The following NEO1 variants were observed in gnomAD, a reference collection of about 807,000 sequenced individuals.
NEO1 encodes the protein neogenin 1.
NEO1 carries 63 observed loss-of-function variants against 159.7 expected under a neutral mutation model. The ratio of observed to expected loss-of-function variants is 0.39; its 90% CI spans 0.32 to 0.49. The LOEUF is 0.49. Among genes scored for constraint, NEO1 ranks in the 20% least tolerant of loss-of-function variants. The pLI, the probability that NEO1 is intolerant of heterozygous loss-of-function variation, is 0.85. For synonymous variants in NEO1, 633 were observed against 662.0 expected (o/e 0.96, Z 0.67); for missense variants, 1,615 against 1,831.0 (o/e 0.88, Z 2.15).
At chr15:73,216,363 T>C (rs2037883082) in intron 7 of NEO1, among the ~76,000 whole-genome samples, 1 of 152,186 alleles carries the variant, frequency 6.6e-6, no homozygotes, top group Non-Finnish European at 1.5e-5. Flanking sequence ...TCCAAGTCTT[T>C]GCTATTGTGA....
At chr15:73,228,654 T>C (rs1403535702) in intron 7 of NEO1, among the ~76,000 whole-genome samples, 3 of 152,082 alleles carry the variant, frequency 2.0e-5, no homozygotes, top group Non-Finnish European at 4.4e-5. Context: ...CTTTCTTTTA[T>C]GTCTTGTGCG....
At chr15:73,302,439 T>C (rs2042656416) in intron 28 of NEO1, among the ~76,000 whole-genome samples, 174 bp from the exon 29 acceptor site, 2 of 152,204 alleles carry the variant, frequency 1.3e-5, no homozygotes, top group South Asian at 4.1e-4. Flanking sequence ...GGGATCCTAG[T>C]GACCTTGGGT....
intron 15 of NEO1, among the ~76,000 whole-genome samples, chr15:73,264,928 A>C (rs2151008907): frequency 6.6e-6 from 1 of 152,330 alleles, no homozygotes; most frequent in Admixed American, 6.5e-5. Flanking sequence ...ATTCAAAAAT[A>C]ATTGAAATTG....
intron 5 of NEO1, among the ~76,000 whole-genome samples, chr15:73,174,198 A>G (rs985980203): frequency 2.0e-5 from 3 of 152,204 alleles, no homozygotes; most frequent in African/African-American, 4.8e-5. Context: ...GGGATTAGCT[A>G]TGACTACCTC....
At chr15:73,208,424 G>A (rs1205266917) in intron 7 of NEO1, among the ~76,000 whole-genome samples, 4 of 151,898 alleles carry the variant, frequency 2.6e-5, no homozygotes, top group Non-Finnish European at 5.9e-5. Context: ...CTAGTGATAG[G>A]GTATTCTTTC....
chr15:73,288,449 C>A lies in NEO1; in HGVS notation c.3547C>A (p.Pro1183Thr). 1.2e-6 allele frequency: 2 copies of A among 1,614,088 alleles called. No individual in the cohort carries two copies. The highest frequency in any genetic ancestry group is 1.7e-6 in the Non-Finnish European group (2 of 1,179,996). Residue 1183 changes from proline (P) to threonine (T), a missense_variant, in exon 24 of 29, where the codon CCC becomes ACC. Physicochemically the swap from Pro to Thr is conservative, Grantham distance 38. Coordinates refer to ENST00000261908, the MANE Select transcript of NEO1 (RefSeq NM_002499.4). ...CATTGATAAGTCTCCAGACCCAAAC[C>A]CCATCATGACTGATACTCCAATTCC... is the stretch of plus-strand genomic sequence containing the variant. ...KPIDKSPDPNPIMTDTPIPRN... is the reference protein window; with the variant it reads ...KPIDKSPDPNTIMTDTPIPRN...
At chr15:73,241,152 T>C (rs1430604256) in intron 8 of NEO1, among the ~76,000 whole-genome samples, 14 of 152,208 alleles carry the variant, frequency 9.2e-5, no homozygotes, top group Admixed American at 8.5e-4. Context: ...GTCCTTCCTC[T>C]CTGCCTTTTC....
chr15:73,092,699 ATTATT>A (rs770935319), intron 1 of NEO1, among the ~76,000 whole-genome samples: 27 of 152,176 alleles, frequency 1.8e-4, no homozygotes, highest in Non-Finnish European at 3.2e-4. Flanking sequence ...AGAATTTTAA[ATTATT>A]TTATGTCATA....
At chr15:73,069,415 T>A (rs1479203236) in intron 1 of NEO1, among the ~76,000 whole-genome samples, 1 of 146,002 alleles carries the variant, frequency 6.8e-6, no homozygotes, top group Non-Finnish European at 1.5e-5. Context: ...GCCAAGAGAC[T>A]TTTTTTTTTT....
intron 7 of NEO1, among the ~76,000 whole-genome samples, chr15:73,218,119 A>G (rs2038009339): frequency 1.3e-5 from 2 of 152,190 alleles, no homozygotes; most frequent in African/African-American, 4.8e-5. Context: ...TAATTTATTG[A>G]GAGTTTTTAG....
At chr15:73,170,459 G>A (rs905602525) in intron 5 of NEO1, among the ~76,000 whole-genome samples, 32 of 152,012 alleles carry the variant, frequency 2.1e-4, no homozygotes, top group African/African-American at 7.5e-4. Flanking sequence ...CCACAAAAAG[G>A]GTCTCAGAGC....
At chr15:73,196,473 T>G (rs1435573328) in intron 7 of NEO1, among the ~76,000 whole-genome samples, 1 of 152,198 alleles carries the variant, frequency 6.6e-6, no homozygotes, top group East Asian at 1.9e-4. Context: ...GAGGAGAAAC[T>G]CCAGTGTCTG....
chr15:73,089,712 A>G (rs2069574636), intron 1 of NEO1, among the ~76,000 whole-genome samples: 1 of 152,100 alleles, frequency 6.6e-6, no homozygotes, highest in East Asian at 1.9e-4. Context: ...ATATAGATTG[A>G]TACAGCCTTT....
chr15:73,152,764 T>A (rs1240682471), intron 5 of NEO1, among the ~76,000 whole-genome samples: 1 of 152,030 alleles, frequency 6.6e-6, no homozygotes, highest in Non-Finnish European at 1.5e-5. Flanking sequence ...AATTGGAGAA[T>A]ACCCAGCTGG....
chr15:73,070,428 T>C (rs2068474142), intron 1 of NEO1, among the ~76,000 whole-genome samples: 1 of 151,798 alleles, frequency 6.6e-6, no homozygotes, highest in South Asian at 2.1e-4. Context: ...ATATAACTCA[T>C]GTGAGTGTAA....
At chr15:73,271,846 G>A (rs2151039417) in intron 18 of NEO1, among the ~76,000 whole-genome samples, 1 of 146,432 alleles carries the variant, frequency 6.8e-6, no homozygotes, top group Non-Finnish European at 1.5e-5. Flanking sequence ...GGCAGAGGTT[G>A]CAATGAGCAG....
chr15:73,268,778 G>A (rs1052267818), intron 16 of NEO1, among the ~76,000 whole-genome samples: 1 of 152,212 alleles, frequency 6.6e-6, no homozygotes, highest in Admixed American at 6.5e-5. Context: ...GGCCCATGGT[G>A]CATGGTGCTT....
intron 1 of NEO1, among the ~76,000 whole-genome samples, chr15:73,056,614 T>C (rs2067707544): frequency 6.6e-6 from 1 of 152,190 alleles, no homozygotes; most frequent in Non-Finnish European, 1.5e-5. Context: ...CTTTATATGA[T>C]GGCCCTTCAT....
At chr15:73,097,357 C>CTT (rs34372480) in intron 1 of NEO1, among the ~76,000 whole-genome samples, 7,736 of 102,890 alleles carry the variant, frequency 0.075, 736 homozygotes, top group Non-Finnish European at 0.095. Flanking sequence ...GTCAGAGCCT[C>CTT]TTTTTTTTTT....
Sources: gnomAD v4.1 joint callset for allele counts (sites outside exome capture counted in the v4.1 genomes callset) on GRCh38, gnomAD v4.1.1 for gene constraint, MANE v1.5 for transcripts, NCBI Gene and HGNC (gene_info 2026-07-23, HGNC 2026-07-21) for gene names.